The following GNA12 variants were observed in gnomAD, a reference collection of about 807,000 sequenced individuals.
GNA12 encodes G protein subunit alpha 12.
A neutral mutation model predicts 26.0 loss-of-function variants in GNA12; 9 were observed. The observed-to-expected ratio is 0.35, with a 90% confidence interval of 0.21 to 0.60. GNA12 has a LOEUF of 0.60. Among genes scored for constraint, GNA12 ranks in the 20% least tolerant of loss-of-function variants. GNA12 has a pLI of 0.78. For synonymous variants in GNA12, 264 were observed against 219.6 expected, an observed-to-expected ratio of 1.20 and a Z score of -1.79; for missense variants, 405 against 525.8, an observed-to-expected ratio of 0.77 and a Z score of 2.25.
chr7:2,838,535 G>A (rs1311915606), intron 1 of GNA12, among the ~76,000 whole-genome samples: 1 of 152,182 alleles, frequency 6.6e-6, no homozygotes, highest in Non-Finnish European at 1.5e-5. Flanking sequence ...AGTGAGCCAT[G>A]ATCGTGCCAC....
At chr7:2,779,052 C>T (rs1374907109) in intron 2 of GNA12, among the ~76,000 whole-genome samples, 3 of 152,112 alleles carry the variant, frequency 2.0e-5, no homozygotes, top group African/African-American at 7.2e-5. Flanking sequence ...ACTATCTCTA[C>T]AAAAAATAAA....
At chr7:2,795,978 G>A (rs975367586) in intron 1 of GNA12, among the ~76,000 whole-genome samples, 3 of 151,904 alleles carry the variant, frequency 2.0e-5, no homozygotes, top group African/African-American at 7.3e-5. Flanking sequence ...CTGCCACCAG[G>A]CCCGGCTAAT....
intron 1 of GNA12, among the ~76,000 whole-genome samples, chr7:2,799,847 C>T (rs1318064856): frequency 6.6e-6 from 1 of 152,096 alleles, no homozygotes; most frequent in Admixed American, 6.5e-5. Flanking sequence ...AGCTAAAAAA[C>T]CAACCACCAA....
At chr7:2,832,297 G>A (rs1009053979) in intron 1 of GNA12, among the ~76,000 whole-genome samples, 10 of 152,180 alleles carry the variant, frequency 6.6e-5, no homozygotes, top group African/African-American at 2.4e-4. Context: ...AGCTCCACGA[G>A]GCCAGGACTG....
Position 2,741,421 on chromosome 7 carries a change from G to T in GNA12, c.526-7920C>A, listed in dbSNP as rs527833951. Reference sequence around the variant, plus strand: ...GGGAGAGCTCACCCAGTTTCCAGAGGCTTCCACCACAGAATCTCTAAAACC... The same window carrying T: ...GGGAGAGCTCACCCAGTTTCCAGAGTCTTCCACCACAGAATCTCTAAAACC... On this transcript the variant is annotated intron_variant, in intron 2 of 3. Coordinates refer to ENST00000275364, the MANE Select transcript of GNA12 (RefSeq NM_007353.3). Among the ~76,000 whole-genome samples the T allele has an allele frequency of 2.0e-5, 3 of 152,226 alleles. No homozygotes were observed. In the East Asian group the frequency reaches 5.8e-4, roughly 29 times the overall value.
At chr7:2,831,212 A>G (rs1447793035) in intron 1 of GNA12, among the ~76,000 whole-genome samples, 1 of 151,776 alleles carries the variant, frequency 6.6e-6, no homozygotes, top group East Asian at 1.9e-4. Flanking sequence ...TACTGATAAG[A>G]AAGTAAATGA....
In GNA12 at chr7:2,737,264, G is replaced by GTTTTTTTTTT. The variant is rs201866976; in HGVS notation, c.526-3764_526-3763insAAAAAAAAAA. On this transcript the variant is annotated intron_variant, in intron 2 of 3. Transcript: ENST00000275364. Reference sequence around the variant, plus strand: ...CTGCCCATTCAGGAGCTATCTCACAGTTTTGTTTTGTTTTTTTTTTTTTTG... The same window carrying GTTTTTTTTTT: ...CTGCCCATTCAGGAGCTATCTCACAGTTTTTTTTTTTTTTGTTTTGTTTTTTTTTTTTTTG... Among the ~76,000 whole-genome samples the GTTTTTTTTTT allele has an allele frequency of 5.7e-5, 3 of 52,488 alleles. 1 individual carries two copies. Among genetic ancestry groups the GTTTTTTTTTT allele is most frequent in the South Asian group, 6.8e-4 (1 of 1,468 alleles). 34.4% of individuals were successfully genotyped at this position (52,488 alleles called of 152,430 possible).
At chr7:2,741,330 G>C (rs1403070081) in intron 2 of GNA12, among the ~76,000 whole-genome samples, 1 of 152,136 alleles carries the variant, frequency 6.6e-6, no homozygotes, top group Admixed American at 6.5e-5. Context: ...ACTCAGGCCT[G>C]GGCAACAGAG....
At chr7:2,792,937 C>T (rs1792556956) in intron 2 of GNA12, among the ~76,000 whole-genome samples, 2 of 152,188 alleles carry the variant, frequency 1.3e-5, no homozygotes, top group South Asian at 4.1e-4. Flanking sequence ...TACTGACTTC[C>T]CAGTGGAGAA....
intron 1 of GNA12, among the ~76,000 whole-genome samples, chr7:2,842,027 G>A (rs1207401311): frequency 8.5e-6 from 1 of 117,860 alleles, no homozygotes; most frequent in African/African-American, 2.8e-5. Flanking sequence ...AAGGAAGGGA[G>A]GAAGGAAGAA....
chr7:2,803,755 C>A (rs1024804956), intron 1 of GNA12, among the ~76,000 whole-genome samples: 9 of 150,336 alleles, frequency 6.0e-5, no homozygotes, highest in African/African-American at 2.2e-4. Context: ...TCATCATTAG[C>A]TTTTTTCAGC....
chr7:2,823,317 T>C (rs1171315522), intron 1 of GNA12, among the ~76,000 whole-genome samples: 1 of 152,184 alleles, frequency 6.6e-6, no homozygotes. Context: ...GCTACTTATC[T>C]GACTGAAGGC....
chr7:2,831,804 T>C (rs1393623216), intron 1 of GNA12, among the ~76,000 whole-genome samples: 1 of 152,168 alleles, frequency 6.6e-6, no homozygotes, highest in African/African-American at 2.4e-5. Context: ...AAACTGAGCA[T>C]GAGTGGAAAA....
At chr7:2,771,201 G>A (rs1019365025) in intron 2 of GNA12, among the ~76,000 whole-genome samples, 4 of 152,070 alleles carry the variant, frequency 2.6e-5, no homozygotes, top group African/African-American at 9.7e-5. Context: ...CGGGGCAGGA[G>A]AATCGCTTGA....
intron 1 of GNA12, among the ~76,000 whole-genome samples, chr7:2,808,432 G>A (rs1793002933): frequency 6.6e-6 from 1 of 152,250 alleles, no homozygotes; most frequent in African/African-American, 2.4e-5. Context: ...GTCCCTGCAG[G>A]CTGGCCACTG....
At chr7:2,840,114 G>GT (rs1778947699) in intron 1 of GNA12, among the ~76,000 whole-genome samples, 1 of 152,202 alleles carries the variant, frequency 6.6e-6, no homozygotes, top group African/African-American at 2.4e-5. Flanking sequence ...TATCGTGACT[G>GT]TATCGACGTC....
intron 2 of GNA12, among the ~76,000 whole-genome samples, chr7:2,751,797 C>T (rs1331540224): frequency 1.3e-5 from 2 of 152,176 alleles, no homozygotes; most frequent in Non-Finnish European, 2.9e-5. Flanking sequence ...AATTTAATTT[C>T]CCAAAACGGA....
intron 2 of GNA12, chr7:2,762,465 C>A: frequency 1.6e-6 from 1 of 619,824 alleles, no homozygotes; most frequent in Non-Finnish European, 2.6e-6. Context: ...AGTCCAGCCT[C>A]TGAACCCACC....
At chr7:2,820,105 C>T (rs913031762) in intron 1 of GNA12, among the ~76,000 whole-genome samples, 1 of 152,074 alleles carries the variant, frequency 6.6e-6, no homozygotes, top group Non-Finnish European at 1.5e-5. Context: ...CTAAGAAGTC[C>T]GTCGCAGAAG....
Sources: allele counts gnomAD v4.1 joint callset (sites outside exome capture counted in the v4.1 genomes callset), GRCh38; gene constraint gnomAD v4.1.1; transcripts MANE v1.5; gene names NCBI Gene and HGNC (gene_info 2026-07-23, HGNC 2026-07-21).